The following IQCK variants were observed in gnomAD, a reference collection of about 807,000 sequenced individuals.
IQCK encodes IQ motif containing K.
Under a neutral mutation model 28.1 loss-of-function variants are expected in IQCK, and 29 were observed. That is an observed-to-expected ratio of 1.03 (90% CI 0.77 to 1.41). The LOEUF is 1.41. Ranked by LOEUF, IQCK falls within the 40% of genes most tolerant of loss-of-function variation. The pLI is 0.00. For synonymous variants in IQCK, 113 were observed against 115.1 expected (o/e 0.98, Z 0.12); for missense variants, 359 against 314.7 (o/e 1.14, Z -1.07).
Position 19,836,017 on chromosome 16 carries a change from ACCAAC to A in IQCK, c.802+8884_802+8888del, listed in dbSNP as rs1198736547. On this transcript the variant is annotated intron_variant, in intron 9 of 9. Coordinates refer to the IQCK transcript ENST00000320394. ...GTTATATTAATTTATACTTAATGCT[ACCAAC>A]CCACTGTGGGACTTTTGATGGATGA... Among the ~76,000 whole-genome samples the A allele has an allele frequency of 2.0e-5, 3 of 152,208 alleles. No individual in the cohort carries two copies. The East Asian group carries it at 5.8e-4, about 29-fold the overall frequency.
chr16:19,814,081 G>A (rs1283766876), intron 7 of IQCK, among the ~76,000 whole-genome samples: 1 of 152,036 alleles, frequency 6.6e-6, no homozygotes, highest in Non-Finnish European at 1.5e-5. Flanking sequence ...TTAGTTGGGT[G>A]TGGTGGCGGG....
At chr16:19,831,440 C>A (rs111797571), downstream of IQCK, among the ~76,000 whole-genome samples, 1,254 of 152,276 alleles carry the variant, frequency 8.2e-3, 18 homozygotes, top group African/African-American at 0.028. Context: ...TTGTTAAGCT[C>A]ATGCGCTAGA....
intron 9 of IQCK, among the ~76,000 whole-genome samples, chr16:19,836,390 G>C (rs1567198679): frequency 6.6e-6 from 1 of 152,146 alleles, no homozygotes; most frequent in Non-Finnish European, 1.5e-5. Context: ...TTTAAAATTT[G>C]CAAAAGTCTG....
intron 9 of IQCK, among the ~76,000 whole-genome samples, chr16:19,854,977 G>A (rs1157364883): frequency 6.6e-6 from 1 of 152,164 alleles, no homozygotes; most frequent in Non-Finnish European, 1.5e-5. Flanking sequence ...CAGGCTCCAA[G>A]TATTAAAAAT....
intron 4 of IQCK, among the ~76,000 whole-genome samples, chr16:19,752,291 A>G (rs190372281): frequency 6.6e-6 from 1 of 152,332 alleles, no homozygotes; most frequent in Admixed American, 6.5e-5. Context: ...TTCACTTGGA[A>G]ATTCTTTCTG....
rs191380824 is a variant in IQCK at position 19,723,716 on chromosome 16, G to A, written c.181+5229G>A. Among the ~76,000 whole-genome samples, 703 of 152,284 alleles carry A rather than the reference G, an allele frequency of 4.6e-3. 9 individuals are homozygous for A. The highest frequency in any genetic ancestry group is 0.017 in the Middle Eastern group (5 of 294). On this transcript the variant is annotated intron_variant, in intron 1 of 7. Transcript: ENST00000564186. The stretch of plus-strand genomic sequence containing the variant: ...AGCCTGTAATCCTAGCACATTAGGA[G>A]ACCGACGGGGCTGGATTGCCTGAGC...
chr16:19,735,414 C>G, exon 4 of IQCK: 1 of 1,613,918 alleles, frequency 6.2e-7, no homozygotes, highest in Non-Finnish European at 8.5e-7. Flanking sequence ...GAATGGCTAG[C>G]CTGCTTCACC....
intron 9 of IQCK, among the ~76,000 whole-genome samples, chr16:19,844,292 C>T (rs2056391981): frequency 6.6e-6 from 1 of 152,074 alleles, no homozygotes; most frequent in African/African-American, 2.4e-5. Flanking sequence ...GTTGGCCCGG[C>T]GGTGTTGAAC....
At chr16:19,821,975 A>G (rs1448723617) in intron 7 of IQCK, among the ~76,000 whole-genome samples, 2 of 144,986 alleles carry the variant, frequency 1.4e-5, no homozygotes, top group Non-Finnish European at 3.0e-5. Context: ...CTGAGGTGAG[A>G]GGATTGCTTG....
At chr16:19,718,872 C>A (rs557621070) in intron 1 of IQCK, among the ~76,000 whole-genome samples, 1 of 152,348 alleles carries the variant, frequency 6.6e-6, no homozygotes, top group East Asian at 1.9e-4. Context: ...CACAGAGCTT[C>A]AAATTGGGAT....
downstream of IQCK, among the ~76,000 whole-genome samples, chr16:19,831,096 T>C (rs1348482474): frequency 2.0e-5 from 3 of 152,188 alleles, no homozygotes; most frequent in African/African-American, 7.2e-5. Context: ...ATTGAATGAC[T>C]TGCCCAAGGT....
intron 9 of IQCK, among the ~76,000 whole-genome samples, 163 bp from the exon 9 acceptor site, chr16:19,856,324 T>C (rs1278933126): frequency 6.6e-6 from 1 of 152,240 alleles, no homozygotes; most frequent in Admixed American, 6.5e-5. Flanking sequence ...AATGGGCCTG[T>C]GTTCTTCCCC....
chr16:19,756,891 C>A, intron 4 of IQCK, among the ~76,000 whole-genome samples: 1 of 123,416 alleles, frequency 8.1e-6, no homozygotes. Context: ...AGCAAGGCTC[C>A]ATGTCAAAAA....
chr16:19,730,524 A>G (rs1447324330), intron 2 of IQCK, 30 bp downstream of exon 2: 1 of 1,522,074 alleles, frequency 6.6e-7, no homozygotes, highest in Non-Finnish European at 9.0e-7. Context: ...CAACCGAAGC[A>G]AGAAGCTCTT....
At chr16:19,771,661 A>C (rs2055322594) in intron 6 of IQCK, among the ~76,000 whole-genome samples, 1 of 152,202 alleles carries the variant, frequency 6.6e-6, no homozygotes, top group Non-Finnish European at 1.5e-5. Context: ...ACCATTGTTG[A>C]CATTTTGGTG....
chr16:19,731,315 A>G (rs1290949977), intron 2 of IQCK, among the ~76,000 whole-genome samples: 1 of 152,202 alleles, frequency 6.6e-6, no homozygotes, highest in Non-Finnish European at 1.5e-5. Flanking sequence ...TTAAAAAGCA[A>G]GGCTCTGAGA....
intron 6 of IQCK, among the ~76,000 whole-genome samples, chr16:19,778,132 A>G (rs2055421354): frequency 6.6e-6 from 1 of 152,188 alleles, no homozygotes; most frequent in African/African-American, 2.4e-5. Flanking sequence ...TAGTTCCACC[A>G]TTTAGTAAAG....
At chr16:19,724,321 C>T (rs1170010535) in intron 1 of IQCK, among the ~76,000 whole-genome samples, 11 of 152,148 alleles carry the variant, frequency 7.2e-5, no homozygotes, top group Admixed American at 6.6e-4. Context: ...TTTCACTTAT[C>T]ATAACCCCTG....
exon 10 of IQCK, chr16:19,858,087 G>T (rs1208707002): frequency 6.1e-6 from 1 of 162,704 alleles, no homozygotes; most frequent in African/African-American, 2.4e-5. Context: ...TTAAACAGAG[G>T]TGCCATTTAA....
Sources: allele counts gnomAD v4.1 joint callset (sites outside exome capture counted in the v4.1 genomes callset), GRCh38; gene constraint gnomAD v4.1.1; transcripts MANE v1.5; gene names NCBI Gene and HGNC (gene_info 2026-07-23, HGNC 2026-07-21).